The following KCNH7 variants were observed in gnomAD, a reference collection of about 807,000 sequenced individuals.
KCNH7 encodes the protein voltage-gated inwardly rectifying potassium channel KCNH7.
Under a neutral mutation model 120.8 loss-of-function variants are expected in KCNH7, and 49 were observed. That is an observed-to-expected ratio of 0.41 (90% confidence interval 0.32 to 0.51). KCNH7 has a LOEUF of 0.51. KCNH7 is among the 20% of genes least tolerant of loss of function. The pLI, the probability that KCNH7 is intolerant of heterozygous loss-of-function variation, is 0.38. For missense variants in KCNH7, 1,097 were observed against 1,446.6 expected (o/e 0.76, Z 3.92); for synonymous variants, 547 against 516.1 (o/e 1.06, Z -0.81).
intron 9 of KCNH7, among the ~76,000 whole-genome samples, chr2:162,404,368 T>C (rs1201707501): frequency 6.6e-6 from 1 of 151,934 alleles, no homozygotes; most frequent in Non-Finnish European, 1.5e-5. Context: ...ATCATTCTTT[T>C]AGCAAATACT....
chr2:162,472,755 T>C (rs1352603511), intron 6 of KCNH7, among the ~76,000 whole-genome samples: 1 of 152,200 alleles, frequency 6.6e-6, no homozygotes, highest in East Asian at 1.9e-4. Context: ...ACCCAAAGGA[T>C]TATAAATCAT....
intron 2 of KCNH7, among the ~76,000 whole-genome samples, chr2:162,668,107 T>C (rs993651318): frequency 2.0e-5 from 3 of 152,212 alleles, no homozygotes; most frequent in African/African-American, 4.8e-5. Flanking sequence ...TCTTTTATGA[T>C]ATTTTTAATT....
chr2:162,601,426 T>TTTTTTTTTTTTTTTTTTG (rs1694551852), intron 2 of KCNH7, among the ~76,000 whole-genome samples: 1 of 132,044 alleles, frequency 7.6e-6, no homozygotes, highest in Non-Finnish European at 1.6e-5. Flanking sequence ...TTTTTTTTTT[T>TTTTTTTTTTTTTTTTTTG]GCTTACTTTG....
chr2:162,610,619 A>C (rs2105970640), intron 2 of KCNH7, among the ~76,000 whole-genome samples: 1 of 152,316 alleles, frequency 6.6e-6, no homozygotes, highest in Middle Eastern at 3.4e-3. Flanking sequence ...TGTAAGCAAA[A>C]TCATAATCTA....
chr2:162,585,096 C>T (rs948623219), intron 2 of KCNH7, among the ~76,000 whole-genome samples: 7 of 152,068 alleles, frequency 4.6e-5, no homozygotes, highest in Non-Finnish European at 8.8e-5. Flanking sequence ...GCCTGGGTTC[C>T]GAGTTCCCAG....
At chr2:162,481,819 A>G (rs1159744798) in intron 6 of KCNH7, among the ~76,000 whole-genome samples, 1 of 152,178 alleles carries the variant, frequency 6.6e-6, no homozygotes, top group Admixed American at 6.5e-5. Context: ...ATTTAGCCCA[A>G]TTACCAATTG....
intron 2 of KCNH7, among the ~76,000 whole-genome samples, chr2:162,762,498 G>C (rs954262160): frequency 1.6e-4 from 24 of 152,138 alleles, no homozygotes; most frequent in Admixed American, 9.9e-4. Flanking sequence ...ACAATTACCA[G>C]ATGTGAAATT....
At chr2:162,754,550 A>G (rs1688720802) in intron 2 of KCNH7, among the ~76,000 whole-genome samples, 2 of 152,180 alleles carry the variant, frequency 1.3e-5, no homozygotes, top group Admixed American at 1.3e-4. Context: ...GGTAGCAGGT[A>G]AAAAACCAGG....
At chr2:162,670,509 A>G (rs183302870) in intron 2 of KCNH7, among the ~76,000 whole-genome samples, 28 of 150,252 alleles carry the variant, frequency 1.9e-4, no homozygotes, top group Middle Eastern at 3.5e-3. Context: ...TATTGACTGT[A>G]TAAACAATTC....
intron 2 of KCNH7, among the ~76,000 whole-genome samples, chr2:162,776,382 A>C (rs1253941710): frequency 6.6e-6 from 1 of 152,196 alleles, no homozygotes; most frequent in Non-Finnish European, 1.5e-5. Flanking sequence ...AAATAGTGCA[A>C]GACTGAATTG....
intron 2 of KCNH7, among the ~76,000 whole-genome samples, chr2:162,788,125 A>G (rs530913665): frequency 2.6e-5 from 4 of 152,340 alleles, no homozygotes; most frequent in African/African-American, 9.6e-5. Flanking sequence ...TAAAGCATCC[A>G]TAGCCTATCC....
intron 2 of KCNH7, among the ~76,000 whole-genome samples, chr2:162,665,544 G>A: frequency 6.6e-6 from 1 of 152,102 alleles, no homozygotes; most frequent in Non-Finnish European, 1.5e-5. Flanking sequence ...CATAAATGGA[G>A]TTCTTTTTCT....
intron 2 of KCNH7, among the ~76,000 whole-genome samples, chr2:162,706,720 C>G (rs550294382): frequency 8.0e-5 from 12 of 149,198 alleles, no homozygotes; most frequent in South Asian, 2.1e-4. Context: ...ACCCACAGGG[C>G]AGTCATGGCA....
chr2:162,773,144 C>T (rs1683115883), intron 2 of KCNH7, among the ~76,000 whole-genome samples: 1 of 152,062 alleles, frequency 6.6e-6, no homozygotes, highest in Admixed American at 6.6e-5. Context: ...TTTCCTTAAA[C>T]AAGATAATTT....
chr2:162,624,282 CAT>C (rs1487052429), intron 2 of KCNH7, among the ~76,000 whole-genome samples: 1 of 152,132 alleles, frequency 6.6e-6, no homozygotes, highest in Admixed American at 6.6e-5. Flanking sequence ...TTTATCATCA[CAT>C]ATCATCACAA....
intron 5 of KCNH7, among the ~76,000 whole-genome samples, chr2:162,506,014 C>T (rs1399316026): frequency 2.0e-5 from 3 of 151,836 alleles, no homozygotes; most frequent in African/African-American, 7.2e-5. Context: ...TAAAAGTTTA[C>T]ACTTGTTTAT....
At chr2:162,550,698 A>G (rs999637917) in intron 2 of KCNH7, among the ~76,000 whole-genome samples, 1 of 152,018 alleles carries the variant, frequency 6.6e-6, no homozygotes, top group African/African-American at 2.4e-5. Context: ...CAAATTACCA[A>G]ATTTGAGCGT....
chr2:162,674,130 G>A (rs1422009023), intron 2 of KCNH7, among the ~76,000 whole-genome samples: 1 of 151,640 alleles, frequency 6.6e-6, no homozygotes, highest in Non-Finnish European at 1.5e-5. Flanking sequence ...CAAGGAAGGT[G>A]GAAAGATAAA....
intron 2 of KCNH7, among the ~76,000 whole-genome samples, chr2:162,646,227 G>A (rs538712353): frequency 6.6e-6 from 1 of 152,238 alleles, no homozygotes; most frequent in East Asian, 1.9e-4. Flanking sequence ...ACAGAGTAAG[G>A]CCTTACTAAA....
Sources: gnomAD v4.1 joint callset for allele counts (sites outside exome capture counted in the v4.1 genomes callset) on GRCh38, gnomAD v4.1.1 for gene constraint, MANE v1.5 for transcripts, NCBI Gene and HGNC (gene_info 2026-07-23, HGNC 2026-07-21) for gene names.